The following CLSPN variants were observed in gnomAD, a reference collection of about 807,000 sequenced individuals.
The protein encoded by CLSPN is claspin homolog.
CLSPN carries 85 observed loss-of-function variants against 156.3 expected under a neutral mutation model. That is an observed-to-expected ratio of 0.54 (90% CI 0.46 to 0.65). The LOEUF is 0.65. Ranked by LOEUF, CLSPN falls within the 30% of genes least tolerant of loss-of-function variation. The pLI is 0.00. For missense variants in CLSPN, 1,407 were observed against 1,554.9 expected, an observed-to-expected ratio of 0.90 and a Z score of 1.60; for synonymous variants, 534 against 542.4, an observed-to-expected ratio of 0.98 and a Z score of 0.22.
intron 16 of CLSPN, among the ~76,000 whole-genome samples, chr1:35,745,148 G>A (rs956728341): frequency 2.0e-5 from 3 of 152,074 alleles, no homozygotes; most frequent in Non-Finnish European, 4.4e-5. Context: ...AGTACACAAG[G>A]TTTCCAATTT....
In CLSPN at chr1:35,760,542, C is replaced by T. The variant is rs778719162; in HGVS notation, c.1379G>A (p.Gly460Asp). ...AFEPHALEGE[G>D]PQNPEETDEK... is the part of the protein sequence containing the mutation. ...ATCTGTTTCTTCTGGATTTTGGGGG[C>T]CTTCACCCTCCAGGGCATGAGGTTC... Residue 460 changes from glycine to aspartate, a missense_variant, in exon 8 of 25, where the codon GGC (glycine) becomes GAC (aspartate). Physicochemically the swap from Gly to Asp is moderately conservative, Grantham distance 94 (BLOSUM62 -1). Coordinates refer to ENST00000318121, the MANE Select transcript of CLSPN (RefSeq NM_022111.4). 1.9e-6 allele frequency: 3 copies of T among 1,614,190 alleles called. No individual in the cohort carries two copies. The highest frequency in any genetic ancestry group is 1.7e-6 in the Non-Finnish European group (2 of 1,180,036).
At chr1:35,743,580 C>T (rs1479357379) in intron 16 of CLSPN, 50 bp from the exon 17 acceptor site, 1 of 1,445,308 alleles carries the variant, frequency 6.9e-7, no homozygotes, top group Non-Finnish European at 9.6e-7. Context: ...AAGCAAACTA[C>T]AAGTAGTCAG....
intron 8 of CLSPN, among the ~76,000 whole-genome samples, chr1:35,758,627 AAGAGCAAGTG>A (rs1434642014): frequency 6.6e-6 from 1 of 151,850 alleles, no homozygotes; most frequent in East Asian, 2.0e-4. Flanking sequence ...CCTAGGTGGC[AAGAGCAAGTG>A]AAAGCCCGTC....
intron 24 of CLSPN, among the ~76,000 whole-genome samples, chr1:35,722,635 CT>C (rs370914988): frequency 4.7e-5 from 7 of 149,176 alleles, no homozygotes; most frequent in South Asian, 2.1e-4. Flanking sequence ...CTCTCTCTTT[CT>C]TTTTTTTTTC....
chr1:35,734,954 G>A lies in CLSPN; in HGVS notation c.*1542C>T. 8.1e-6 allele frequency: 8 copies of A among 985,428 alleles called. No homozygotes were observed. Among genetic ancestry groups the A allele is most frequent in the Non-Finnish European group, 9.6e-6 (8 of 829,910 alleles). 61.0% of individuals were successfully genotyped at this position (985,428 alleles called of 1,614,324 possible). On this transcript the variant is annotated 3_prime_UTR_variant, in exon 25 of 25. Coordinates refer to ENST00000318121, the MANE Select transcript of CLSPN (RefSeq NM_022111.4). ...AGCTTGTGGTAGTTCAGGGAAAATGGAGAATGATGGCAATTCTCTTCAATA... is the reference window on the plus strand; with the variant it reads ...AGCTTGTGGTAGTTCAGGGAAAATGAAGAATGATGGCAATTCTCTTCAATA...
At chr1:35,723,982 C>T (rs539582276) in intron 24 of CLSPN, among the ~76,000 whole-genome samples, 1 of 152,130 alleles carries the variant, frequency 6.6e-6, no homozygotes, top group South Asian at 2.1e-4. Flanking sequence ...CAGAGCCAGA[C>T]CCTGTCTCAA....
At position 35,764,646 on chromosome 1, in the gene CLSPN, C is replaced by T. The variant is rs777734185; in HGVS notation, c.202G>A (p.Glu68Lys). ...NRKVLQDSDS[E>K]TEDTNASPEK... ...GGAGAGGCATTTGTGTCCTCTGTTT[C>T]GGAATCACTGTCTTGTAGAACCTTC... The change falls in exon 3 of 25, where the codon GAA (glutamate) becomes AAA (lysine). Residue 68 changes from glutamate (E) to lysine (K), a missense_variant. Glu to Lys is a moderately conservative substitution (Grantham distance 56). This residue lies in a region of CLSPN where 1,096 missense variants were observed against 1,193.0 expected (regional missense o/e 0.92). Coordinates refer to ENST00000318121, the MANE Select transcript of CLSPN (RefSeq NM_022111.4). 50 of 1,611,736 alleles carry T rather than the reference C, an allele frequency of 3.1e-5. No homozygotes were observed. Among genetic ancestry groups the T allele is most frequent in the Non-Finnish European group, 3.7e-5 (44 of 1,179,554 alleles).
chr1:35,738,345 A>C, intron 21 of CLSPN, 110 bp downstream of exon 21: 1 of 1,121,664 alleles, frequency 8.9e-7, no homozygotes, highest in South Asian at 1.5e-5. Flanking sequence ...AGAGATAGCA[A>C]TATGTTGCCT....
At chr1:35,725,768 C>A (rs1348017476) in intron 24 of CLSPN, among the ~76,000 whole-genome samples, 1 of 152,170 alleles carries the variant, frequency 6.6e-6, no homozygotes, top group African/African-American at 2.4e-5. Flanking sequence ...CAGCAGCCCT[C>A]AATGGAGGAG....
At chr1:35,750,329 T>A in intron 10 of CLSPN, among the ~76,000 whole-genome samples, 1 of 151,104 alleles carries the variant, frequency 6.6e-6, no homozygotes, top group Non-Finnish European at 1.5e-5. Context: ...GACCCTCATC[T>A]CAAAAAAATT....
At position 35,738,104 on chromosome 1, in the gene CLSPN, A is replaced by AAG; in HGVS notation, c.3559-8_3559-7insCT. The AAG allele has an allele frequency of 1.7e-6, 1 of 602,068 alleles. No homozygotes were observed. Among genetic ancestry groups the AAG allele is most frequent in the Non-Finnish European group, 2.2e-6 (1 of 456,790 alleles). 37.3% of individuals were successfully genotyped at this position (602,068 alleles called of 1,614,324 possible). Reference sequence around the variant, plus strand: ...TAATTTTCCCCTGCTGTGCCTGAAAAAAAAAAAAAATATATATATATATAT... The same window carrying AAG: ...TAATTTTCCCCTGCTGTGCCTGAAAAAGAAAAAAAAAATATATATATATATAT... On this transcript the variant is annotated splice_region_variant and splice_polypyrimidine_tract_variant and intron_variant, in intron 21 of 24. Coordinates refer to ENST00000318121, the MANE Select transcript of CLSPN (RefSeq NM_022111.4).
At position 35,734,871 on chromosome 1, in the gene CLSPN, C is replaced by T. The variant is rs111674418; in HGVS notation, c.*1625G>A. The T allele has an allele frequency of 1.8e-4, 177 of 985,404 alleles. No individual in the cohort carries two copies. In the African/African-American group the frequency reaches 2.9e-3, roughly 16 times the overall value. The allele number at this position is 985,404 out of a possible 1,614,324, so 61.0% of individuals were successfully genotyped here. On this transcript the variant is annotated 3_prime_UTR_variant, in exon 25 of 25. Transcript: ENST00000318121. ...CACAGTATTCACATGGAATGTTTTT[C>T]CAAAGCAGCACTGATGCTCAGTTCT...
At chr1:35,760,256 G>C in intron 8 of CLSPN, 86 bp downstream of exon 8, 1 of 1,036,848 alleles carries the variant, frequency 9.6e-7, no homozygotes, top group Non-Finnish European at 1.4e-6. Flanking sequence ...GGTTCCTCCT[G>C]TGTTCTCTGT....
chr1:35,763,820 G>C (rs563469577), intron 3 of CLSPN, among the ~76,000 whole-genome samples: 1 of 150,862 alleles, frequency 6.6e-6, no homozygotes, highest in South Asian at 2.1e-4. Flanking sequence ...TTGAGACAGG[G>C]TCTCACTCTG....
intron 24 of CLSPN, among the ~76,000 whole-genome samples, chr1:35,724,825 C>T (rs759135558): frequency 2.6e-5 from 4 of 152,106 alleles, no homozygotes; most frequent in African/African-American, 4.8e-5. Context: ...GAAAGGAAGG[C>T]CTAGGAAGCT....
Position 35,733,734 on chromosome 1 carries a change from T to G in CLSPN, c.*2762A>C. On this transcript the variant is annotated 3_prime_UTR_variant, in exon 25 of 25. Coordinates refer to ENST00000318121, the MANE Select transcript of CLSPN (RefSeq NM_022111.4). ...TGGCTGAGCCTGTGACCCCAGCATT[T>G]TGGGAGGCCAAGGTGGGAGGATTAC... 1 of 977,376 alleles carries G rather than the reference T, an allele frequency of 1.0e-6. No homozygotes were observed. The allele number at this position is 977,376 out of a possible 1,614,324, so 60.5% of individuals were successfully genotyped here. A position where few individuals can be genotyped will look rare whatever the true frequency, so the allele number is the denominator to read the frequency against.
At position 35,733,415 on chromosome 1, in the gene CLSPN, A is replaced by G. The variant is rs573333270; in HGVS notation, c.*3081T>C. On this transcript the variant is annotated 3_prime_UTR_variant, in exon 25 of 25. Coordinates refer to ENST00000318121, the MANE Select transcript of CLSPN (RefSeq NM_022111.4). ...AGCAATGCACCCACCTCAGTCTCCT[A>G]AAGTGCTGGCGTGAGCCACCGGACC... The G allele has an allele frequency of 4.5e-5, 43 of 963,340 alleles. No homozygotes were observed. Among genetic ancestry groups the G allele is most frequent in the Non-Finnish European group, 5.0e-5 (41 of 813,238 alleles). 59.7% of individuals were successfully genotyped at this position (963,340 alleles called of 1,614,324 possible).
rs2148625105 is a variant in CLSPN, at chr1:35,760,420, C to T, written c.1501G>A (p.Gly501Arg). ...RFTLDRLKQL[G>R]VDVSIKPRLG... ...CGTGGTTTAATGGAAACATCTACTC[C>T]CAGTTGCTTAAGTCTATCCAGAGTA... The change falls in exon 8 of 25, where the codon GGA (glycine) becomes AGA (arginine). Residue 501 changes from glycine (G) to arginine (R), a missense_variant. Gly to Arg is a moderately radical substitution (Grantham distance 125, BLOSUM62 -2). Transcript: ENST00000318121. 6.2e-7 allele frequency: 1 copy of T among 1,614,216 alleles called. No homozygotes were observed. The highest frequency in any genetic ancestry group is 8.5e-7 in the Non-Finnish European group (1 of 1,180,038).
Position 35,757,164 on chromosome 1 carries a change from C to T in CLSPN, c.1579+3178G>A, listed in dbSNP as rs370184604. On this transcript the variant is annotated intron_variant, in intron 8 of 24. Coordinates refer to ENST00000318121, the MANE Select transcript of CLSPN (RefSeq NM_022111.4). ...GACTTCTAGGCTCCAAGTAAGGTAC[C>T]CTTCCTCTAGGTTCCCAATGCACCC... Among the ~76,000 whole-genome samples, 17 of 152,206 alleles carry T rather than the reference C, an allele frequency of 1.1e-4. No individual in the cohort carries two copies. The East Asian group carries it at 2.3e-3, about 21-fold the overall frequency.
Sources: allele counts gnomAD v4.1 joint callset (sites outside exome capture counted in the v4.1 genomes callset), GRCh38; gene constraint gnomAD v4.1.1; regional missense constraint gnomAD v4.1.1; transcripts MANE v1.5; gene names NCBI Gene and HGNC (gene_info 2026-07-23, HGNC 2026-07-21).